ROBO2: variants seen among roughly 807,000 people sequenced by gnomAD.
ROBO2 encodes the protein roundabout homolog 2.
Under a neutral mutation model 160.8 loss-of-function variants are expected in ROBO2, and 53 were observed. That is an observed-to-expected ratio of 0.33 (90% CI 0.26 to 0.41). The LOEUF is 0.41. Ranked by LOEUF, ROBO2 falls within the 10% of genes least tolerant of loss-of-function variation. The pLI is 1.00. For synonymous variants in ROBO2, 664 were observed against 611.7 expected, an observed-to-expected ratio of 1.09 and a Z score of -1.26; for missense variants, 1,577 against 1,722.4, an observed-to-expected ratio of 0.92 and a Z score of 1.49.
chr3:76,518,285 AT>A (rs2081435766), intron 2 of ROBO2, among the ~76,000 whole-genome samples: 3 of 152,048 alleles, frequency 2.0e-5, no homozygotes, highest in Admixed American at 6.5e-5. Context: ...TTGACTCATC[AT>A]TTTTTTAGAA....
At chr3:76,096,576 T>C (rs2069461371) in intron 2 of ROBO2, among the ~76,000 whole-genome samples, 1 of 152,202 alleles carries the variant, frequency 6.6e-6, no homozygotes, top group Non-Finnish European at 1.5e-5. Context: ...TGATTTGTTT[T>C]AGAATTTATC....
chr3:77,137,426 G>A (rs977061292), intron 2 of ROBO2, among the ~76,000 whole-genome samples: 4 of 151,798 alleles, frequency 2.6e-5, no homozygotes, highest in South Asian at 2.1e-4. Context: ...GGGTGTCTCC[G>A]TGTTGGTCAG....
At chr3:77,307,469 G>A (rs2063189117) in intron 2 of ROBO2, among the ~76,000 whole-genome samples, 1 of 152,130 alleles carries the variant, frequency 6.6e-6, no homozygotes, top group Non-Finnish European at 1.5e-5. Context: ...GACAATCTAA[G>A]CTATCACCAA....
At chr3:77,401,090 A>G (rs1395091674) in intron 2 of ROBO2, among the ~76,000 whole-genome samples, 1 of 152,118 alleles carries the variant, frequency 6.6e-6, no homozygotes, top group African/African-American at 2.4e-5. Context: ...TAGAGGATAC[A>G]AAAGCATTGT....
intron 2 of ROBO2, among the ~76,000 whole-genome samples, chr3:77,264,114 A>G (rs1479761684): frequency 6.6e-6 from 1 of 152,096 alleles, no homozygotes; most frequent in African/African-American, 2.4e-5. Flanking sequence ...CCCCACTGCC[A>G]TAGATGCCAC....
chr3:76,900,965 T>A (rs2075179294), intron 2 of ROBO2, among the ~76,000 whole-genome samples: 1 of 152,200 alleles, frequency 6.6e-6, no homozygotes, highest in African/African-American at 2.4e-5. Context: ...CTGAATAATC[T>A]AAGCCAAATT....
chr3:77,500,858 A>G (rs1170954509), intron 5 of ROBO2, among the ~76,000 whole-genome samples: 4 of 152,170 alleles, frequency 2.6e-5, no homozygotes, highest in East Asian at 3.9e-4. Flanking sequence ...CTTAGGAACA[A>G]TGCTGGAACT....
At chr3:77,293,216 C>G (rs1161090732) in intron 2 of ROBO2, among the ~76,000 whole-genome samples, 1 of 150,346 alleles carries the variant, frequency 6.7e-6, no homozygotes, top group Non-Finnish European at 1.5e-5. Context: ...AACGGGTAAG[C>G]TGAGGCTAGA....
intron 2 of ROBO2, among the ~76,000 whole-genome samples, chr3:77,185,713 A>T (rs2081217825): frequency 6.6e-6 from 1 of 151,936 alleles, no homozygotes; most frequent in Admixed American, 6.6e-5. Flanking sequence ...CTGCATGCAC[A>T]TGTGTATAGC....
intron 2 of ROBO2, among the ~76,000 whole-genome samples, chr3:75,969,962 C>A (rs2064945525): frequency 6.6e-6 from 1 of 151,502 alleles, no homozygotes. Flanking sequence ...ATTGTCAAGG[C>A]CAATATCAAG....
At chr3:76,463,406 T>C (rs562738992) in intron 2 of ROBO2, among the ~76,000 whole-genome samples, 2 of 151,978 alleles carry the variant, frequency 1.3e-5, no homozygotes, top group African/African-American at 4.8e-5. Flanking sequence ...ACTATAATTT[T>C]CATGCTGCAG....
intron 2 of ROBO2, among the ~76,000 whole-genome samples, chr3:76,851,341 T>G (rs80307507): frequency 6.6e-6 from 1 of 152,192 alleles, no homozygotes; most frequent in Non-Finnish European, 1.5e-5. Context: ...CATATTCCCA[T>G]CATTGTAGAG....
chr3:77,438,662 T>G (rs1165577370), intron 2 of ROBO2, among the ~76,000 whole-genome samples: 2 of 152,000 alleles, frequency 1.3e-5, no homozygotes, highest in Non-Finnish European at 2.9e-5. Flanking sequence ...ATATTATATA[T>G]GTGCTTACTA....
chr3:76,792,108 A>G (rs2063391560), intron 2 of ROBO2, among the ~76,000 whole-genome samples: 1 of 151,898 alleles, frequency 6.6e-6, no homozygotes. Context: ...ACGTTCTGGT[A>G]AGGAATAAGT....
intron 2 of ROBO2, among the ~76,000 whole-genome samples, chr3:77,224,865 G>A (rs528137698): frequency 6.6e-6 from 1 of 151,806 alleles, no homozygotes; most frequent in South Asian, 2.1e-4. Flanking sequence ...AGATAAGACC[G>A]CTGATAGTGG....
chr3:76,801,923 A>G (rs1403805300), intron 2 of ROBO2, among the ~76,000 whole-genome samples: 3 of 152,116 alleles, frequency 2.0e-5, no homozygotes, highest in African/African-American at 7.2e-5. Context: ...GTTTTGTCTC[A>G]GGAAATAGGG....
intron 2 of ROBO2, among the ~76,000 whole-genome samples, chr3:76,230,638 A>C (rs1704566055): frequency 6.6e-6 from 1 of 151,940 alleles, no homozygotes; most frequent in Non-Finnish European, 1.5e-5. Context: ...ATCTGGAATT[A>C]CTTACTACTA....
At chr3:76,766,896 C>T (rs191978984) in intron 2 of ROBO2, among the ~76,000 whole-genome samples, 73 of 151,520 alleles carry the variant, frequency 4.8e-4, no homozygotes, top group African/African-American at 1.6e-3. Flanking sequence ...TATTGACTTT[C>T]TGAATGACAA....
chr3:76,413,502 T>C (rs530896152), intron 2 of ROBO2, among the ~76,000 whole-genome samples: 5 of 152,314 alleles, frequency 3.3e-5, no homozygotes, highest in Non-Finnish European at 7.4e-5. Context: ...GCTTTGCTGC[T>C]TAGAAAGTTC....
Sources: gnomAD v4.1 joint callset for allele counts (sites outside exome capture counted in the v4.1 genomes callset) on GRCh38, gnomAD v4.1.1 for gene constraint, MANE v1.5 for transcripts, NCBI Gene and HGNC (gene_info 2026-07-23, HGNC 2026-07-21) for gene names.